Variants in RCHY1 observed in about 807,000 individuals in gnomAD.
RCHY1 encodes RING finger and CHY zinc finger domain-containing protein 1.
In RCHY1, 21 loss-of-function variants were observed where a neutral mutation model predicts 41.6. The observed-to-expected ratio is 0.51, with a 90% CI of 0.36 to 0.73. The LOEUF (loss-of-function observed/expected upper bound fraction) is 0.73. Among genes scored for constraint, RCHY1 ranks in the 30% least tolerant of loss-of-function variants. RCHY1 has a pLI of 0.00. For synonymous variants in RCHY1, 79 were observed against 102.9 expected, an observed-to-expected ratio of 0.77 and a Z score of 1.41; for missense variants, 265 against 325.3, an observed-to-expected ratio of 0.81 and a Z score of 1.43.
intron 3 of RCHY1, among the ~76,000 whole-genome samples, 178 bp downstream of exon 3, chr4:75,508,642 T>C (rs1266121376): frequency 6.6e-6 from 1 of 152,160 alleles, no homozygotes; most frequent in African/African-American, 2.4e-5. Context: ...ATATGTTCTA[T>C]AGCTTGATTG....
At chr4:75,510,124 AAC>A (rs1432841362) in intron 1 of RCHY1, among the ~76,000 whole-genome samples, 2 of 152,334 alleles carry the variant, frequency 1.3e-5, no homozygotes, top group African/African-American at 4.8e-5. Flanking sequence ...CTTGTTTTCA[AAC>A]ACGGCAAAGA....
In RCHY1 at chr4:75,479,572, T is replaced by C. The variant is rs1721368016; in HGVS notation, c.*2966A>G. The C allele has an allele frequency of 6.6e-6, 1 of 152,036 alleles. No homozygotes were observed. The highest frequency in any genetic ancestry group is 2.1e-4 in the South Asian group (1 of 4,832). 9.4% of individuals were successfully genotyped at this position (152,036 alleles called of 1,614,324 possible). ...TCCAACATAAGCTAAAGTTAATTCA[T>C]AAAGAGTTCTATGTACTGGTTAAGA... On this transcript the variant is annotated 3_prime_UTR_variant, in exon 9 of 9. Coordinates refer to ENST00000324439, the MANE Select transcript of RCHY1 (RefSeq NM_015436.4).
rs1034748322 is a variant in RCHY1, at chr4:75,481,046, A to G, written c.*1492T>C. ...TTACTTATCTGTATACTAATTGGTA[A>G]TACCCAGGAACATCCTTTCCCAAAT... On this transcript the variant is annotated 3_prime_UTR_variant, in exon 9 of 9. Coordinates refer to ENST00000324439, the MANE Select transcript of RCHY1 (RefSeq NM_015436.4). 3 of 152,256 alleles carry G rather than the reference A, an allele frequency of 2.0e-5. No individual in the cohort carries two copies. Among genetic ancestry groups the G allele is most frequent in the Admixed American group, 2.0e-4 (3 of 15,282 alleles). The allele number at this position is 152,256 out of a possible 1,614,324, so 9.4% of individuals were successfully genotyped here. A position where few individuals can be genotyped will look rare whatever the true frequency, so the allele number is the denominator to read the frequency against.
intron 3 of RCHY1, among the ~76,000 whole-genome samples, chr4:75,498,093 T>TA (rs1723389272): frequency 9.9e-6 from 1 of 100,866 alleles, no homozygotes; most frequent in African/African-American, 3.8e-5. Context: ...TTTGAAAAGA[T>TA]AAAATCAAAA....
intron 4 of RCHY1, among the ~76,000 whole-genome samples, chr4:75,492,644 T>C (rs867458991): frequency 2.6e-5 from 4 of 151,844 alleles, no homozygotes; most frequent in Non-Finnish European, 4.4e-5. Context: ...AAGCACTTAA[T>C]AGATGGCAGG....
intron 8 of RCHY1, among the ~76,000 whole-genome samples, chr4:75,486,234 C>T (rs1457968815): frequency 6.6e-6 from 1 of 152,118 alleles, no homozygotes; most frequent in African/African-American, 2.4e-5. Context: ...CATATGACTA[C>T]TTGAGACTCA....
At position 75,479,410 on chromosome 4, in the gene RCHY1, C is replaced by T. The variant is rs1721355277; in HGVS notation, c.*3128G>A. On this transcript the variant is annotated 3_prime_UTR_variant, in exon 9 of 9. Coordinates refer to ENST00000324439, the MANE Select transcript of RCHY1 (RefSeq NM_015436.4). ...ATAAAATAATGTTGGCTCTTTAGTA[C>T]TTAGTAAATTTATTTTGATGCATGA... is the stretch of plus-strand genomic sequence containing the variant. 6.6e-6 allele frequency: 1 copy of T among 151,964 alleles called. No homozygotes were observed. Among genetic ancestry groups the T allele is most frequent in the Non-Finnish European group, 1.5e-5 (1 of 67,972 alleles). 9.4% of individuals were successfully genotyped at this position (151,964 alleles called of 1,614,324 possible).
intron 3 of RCHY1, among the ~76,000 whole-genome samples, chr4:75,496,042 T>C (rs1373392884): frequency 6.6e-6 from 1 of 152,154 alleles, no homozygotes; most frequent in Non-Finnish European, 1.5e-5. Context: ...TACTCAGCTA[T>C]TGTGAATTTT....
Position 75,496,334 on chromosome 4 carries a change from G to C in RCHY1, c.327-2155C>G, listed in dbSNP as rs148481981. 1.2e-4 allele frequency among the ~76,000 whole-genome samples: 19 copies of C among 152,118 alleles called. 1 individual carries two copies. Among genetic ancestry groups the C allele is most frequent in the African/African-American group, 3.4e-4 (14 of 41,528 alleles). ...GCCAGGACAGGTTAGAAGAACTAAGGGTGAGCTAGGAAGACATCATGATTG... is the reference window on the plus strand; with the variant it reads ...GCCAGGACAGGTTAGAAGAACTAAGCGTGAGCTAGGAAGACATCATGATTG... On this transcript the variant is annotated intron_variant, in intron 3 of 8. Transcript: ENST00000324439.
At chr4:75,492,086 T>C (rs1722802412) in intron 4 of RCHY1, among the ~76,000 whole-genome samples, 153 bp from the exon 5 acceptor site, 1 of 152,010 alleles carries the variant, frequency 6.6e-6, no homozygotes, top group South Asian at 2.1e-4. Context: ...AGTTTTTTAA[T>C]AGTTATTTAA....
At chr4:75,500,216 C>T (rs1723623900) in intron 3 of RCHY1, among the ~76,000 whole-genome samples, 2 of 152,318 alleles carry the variant, frequency 1.3e-5, no homozygotes, top group Admixed American at 6.5e-5. Context: ...TGAATTACCA[C>T]ATGTAGTCCA....
chr4:75,502,753 A>C (rs1349933527), intron 3 of RCHY1, among the ~76,000 whole-genome samples: 1 of 152,122 alleles, frequency 6.6e-6, no homozygotes, highest in Non-Finnish European at 1.5e-5. Context: ...CAACTATCCT[A>C]ACAAAAAGAC....
chr4:75,488,862 G>A (rs1221270429), intron 8 of RCHY1, among the ~76,000 whole-genome samples: 1 of 152,102 alleles, frequency 6.6e-6, no homozygotes, highest in Non-Finnish European at 1.5e-5. Context: ...GGATCACGAG[G>A]TCAGGAGTTC....
At position 75,482,774 on chromosome 4, in the gene RCHY1, A is replaced by G. The variant is rs982526790; in HGVS notation, c.658-108T>C. On this transcript the variant is annotated intron_variant, in intron 8 of 8. Transcript: ENST00000324439. Reference sequence around the variant, plus strand: ...ATATTAAAGATGTGAAAATACATACATAAGTCTAAAAATTTCCAAAAGTAG... The same window carrying G: ...ATATTAAAGATGTGAAAATACATACGTAAGTCTAAAAATTTCCAAAAGTAG... 9.9e-6 allele frequency: 7 copies of G among 708,684 alleles called. No homozygotes were observed. The Admixed American group carries it at 2.1e-4, about 21-fold the overall frequency. 43.9% of individuals were successfully genotyped at this position (708,684 alleles called of 1,614,324 possible). A position where few individuals can be genotyped will look rare whatever the true frequency, so the allele number is the denominator to read the frequency against.
Position 75,494,126 on chromosome 4 carries a change from G to C in RCHY1, c.380C>G (p.Ala127Gly). The C allele has an allele frequency of 6.4e-7, 1 of 1,562,878 alleles. No homozygotes were observed. Among genetic ancestry groups the C allele is most frequent in the South Asian group, 1.2e-5 (1 of 83,526 alleles). ...CTTGTGTCTTCCTTGAAGATTCATA[G>C]CTAGGCATAAGTTACATTTCAAACA... ...FHCLKCNLCL[A>G]MNLQGRHKCI... The change falls in exon 4 of 9, where the codon GCT becomes GGT. Residue 127 changes from alanine (A) to glycine (G), a missense_variant. Coordinates refer to ENST00000324439, the MANE Select transcript of RCHY1 (RefSeq NM_015436.4).
At chr4:75,498,446 C>T (rs1723426202) in intron 3 of RCHY1, among the ~76,000 whole-genome samples, 2 of 126,528 alleles carry the variant, frequency 1.6e-5, no homozygotes, top group Non-Finnish European at 3.3e-5. Context: ...TATATGGAGC[C>T]ACAAAAGACC....
In RCHY1 at chr4:75,495,219, T is replaced by G. The variant is rs190065598; in HGVS notation, c.327-1040A>C. ...TGGTAAAAAGTCATCAATATTTTCCTGTATAGCTTATGCTTTCTGCCTCTT... is the reference window on the plus strand; with the variant it reads ...TGGTAAAAAGTCATCAATATTTTCCGGTATAGCTTATGCTTTCTGCCTCTT... On this transcript the variant is annotated intron_variant, in intron 3 of 8. Coordinates refer to ENST00000324439, the MANE Select transcript of RCHY1 (RefSeq NM_015436.4). Among the ~76,000 whole-genome samples the G allele has an allele frequency of 3.5e-3, 530 of 152,150 alleles. 4 individuals carry two copies. Among genetic ancestry groups the G allele is most frequent in the African/African-American group, 0.012 (519 of 41,556 alleles).
Position 75,482,464 on chromosome 4 carries a change from A to G in RCHY1, c.*74T>C. On this transcript the variant is annotated 3_prime_UTR_variant, in exon 9 of 9. Transcript: ENST00000324439. ...AACTCTAATGCATAGATGACGACAC[A>G]TGATAACACGATACCAAGGAAAGCC... 7.2e-7 allele frequency: 1 copy of G among 1,398,206 alleles called. No individual in the cohort carries two copies. The highest frequency in any genetic ancestry group is 1.5e-5 in the South Asian group (1 of 65,210). 86.6% of individuals were successfully genotyped at this position (1,398,206 alleles called of 1,614,324 possible).
intron 7 of RCHY1, chr4:75,491,025 C>T (rs1337557479): frequency 1.1e-5 from 2 of 186,026 alleles, no homozygotes; most frequent in African/African-American, 4.7e-5. Context: ...TTTCTTAATA[C>T]ACTCATGTAA....
Sources: allele counts gnomAD v4.1 joint callset (sites outside exome capture counted in the v4.1 genomes callset), GRCh38; gene constraint gnomAD v4.1.1; transcripts MANE v1.5; gene names NCBI Gene and HGNC (gene_info 2026-07-23, HGNC 2026-07-21).